The following HAUS3 variants were observed in gnomAD, a reference collection of about 807,000 sequenced individuals.
The protein encoded by HAUS3 is HAUS augmin like complex subunit 3.
In HAUS3, 36 loss-of-function variants were observed where a neutral mutation model predicts 55.2. The observed-to-expected ratio is 0.65, with a 90% confidence interval of 0.50 to 0.86. The LOEUF (loss-of-function observed/expected upper bound fraction) is 0.86, where lower values mean the gene tolerates loss of function less well. Ranked by LOEUF, HAUS3 falls within the 40% of genes least tolerant of loss-of-function variation. The pLI is 0.00. For missense variants in HAUS3, 752 were observed against 671.5 expected (o/e 1.12, Z -1.33); for synonymous variants, 234 against 238.6 (o/e 0.98, Z 0.18).
chr4:2,241,573 G>A lies in HAUS3; in HGVS notation c.-201C>T, dbSNP rs1247458387. On this transcript the variant is annotated 5_prime_UTR_variant, in exon 2 of 6. Coordinates refer to ENST00000443786, the MANE Select transcript of HAUS3 (RefSeq NM_001303143.2). ...CTCCAGAGTCCACCACCGCGACGCG[G>A]AGAACAGCAGGAGCAGCAGGGAAGC... 1 of 985,694 alleles carries A rather than the reference G, an allele frequency of 1.0e-6. No individual in the cohort carries two copies. Among genetic ancestry groups the A allele is most frequent in the Non-Finnish European group, 1.2e-6 (1 of 830,222 alleles). The allele number at this position is 985,694 out of a possible 1,614,324, so 61.1% of individuals were successfully genotyped here. A position where few individuals can be genotyped will look rare whatever the true frequency, so the allele number is the denominator to read the frequency against.
chr4:2,235,434 C>G (rs904000974), intron 5 of HAUS3, among the ~76,000 whole-genome samples: 1 of 152,178 alleles, frequency 6.6e-6, no homozygotes, highest in South Asian at 2.1e-4. Flanking sequence ...ACATATAAGA[C>G]CATCATAGCA....
chr4:2,241,859 G>C (rs994255498), intron 1 of HAUS3, 69 bp from the exon 2 acceptor site: 1 of 985,410 alleles, frequency 1.0e-6, no homozygotes, highest in Non-Finnish European at 1.2e-6. Context: ...GGGGGTGACA[G>C]GCCCCGCACA....
Position 2,242,042 on chromosome 4 carries a change from G to C in HAUS3, c.-419+9C>G, listed in dbSNP as rs1040018989. 2.0e-6 allele frequency: 2 copies of C among 985,478 alleles called. No individual in the cohort carries two copies. Among genetic ancestry groups the C allele is most frequent in the African/African-American group, 3.5e-5 (2 of 57,238 alleles). The allele number at this position is 985,478 out of a possible 1,614,324, so 61.0% of individuals were successfully genotyped here. A position where few individuals can be genotyped will look rare whatever the true frequency, so the allele number is the denominator to read the frequency against. ...CCCTGCGCCCAGAACCGAGGCCCGCGTCAGTCACCTCAGGAAGTTCCGCTT... is the reference window on the plus strand; with the variant it reads ...CCCTGCGCCCAGAACCGAGGCCCGCCTCAGTCACCTCAGGAAGTTCCGCTT... On this transcript the variant is annotated intron_variant, in intron 1 of 5. Transcript: ENST00000443786.
chr4:2,242,084 C>G lies in HAUS3; in HGVS notation c.-452G>C. 4 of 985,828 alleles carry G rather than the reference C, an allele frequency of 4.1e-6. No homozygotes were observed. Among genetic ancestry groups the G allele is most frequent in the Non-Finnish European group, 4.8e-6 (4 of 830,222 alleles). 61.1% of individuals were successfully genotyped at this position (985,828 alleles called of 1,614,324 possible). Reference sequence around the variant, plus strand: ...GTTCCGCTTGCTTCTCGCAGGAGCCCGCCGCCACCGCCCTCCGTGCCCCGC... The same window carrying G: ...GTTCCGCTTGCTTCTCGCAGGAGCCGGCCGCCACCGCCCTCCGTGCCCCGC... On this transcript the variant is annotated 5_prime_UTR_variant, in exon 1 of 6. Transcript: ENST00000443786.
Position 2,229,389 on chromosome 4 carries a change from C to T in HAUS3, c.*2538G>A. 1.6e-6 allele frequency: 1 copy of T among 621,862 alleles called. No homozygotes were observed. The highest frequency in any genetic ancestry group is 3.2e-5 in the South Asian group (1 of 31,300). 38.5% of individuals were successfully genotyped at this position (621,862 alleles called of 1,614,324 possible). A position where few individuals can be genotyped will look rare whatever the true frequency, so the allele number is the denominator to read the frequency against. On this transcript the variant is annotated 3_prime_UTR_variant, in exon 6 of 6. Transcript: ENST00000443786. ...ACCACAGAAAATAGGCATCAATCAT[C>T]CAATAATATAGATAGAAAGAAAAAA... is the stretch of plus-strand genomic sequence containing the variant.
Position 2,228,886 on chromosome 4 carries a change from G to A in HAUS3, c.*3041C>T. The stretch of plus-strand genomic sequence containing the variant: ...AAGGGAATGTTTGACAGAAATACCT[G>A]GAATAAGGAAGAGAGTGTTACATTT... On this transcript the variant is annotated 3_prime_UTR_variant, in exon 6 of 6. Coordinates refer to ENST00000443786, the MANE Select transcript of HAUS3 (RefSeq NM_001303143.2). 1 of 410,016 alleles carries A rather than the reference G, an allele frequency of 2.4e-6. No individual in the cohort carries two copies. The highest frequency in any genetic ancestry group is 5.4e-5 in the South Asian group (1 of 18,510). The allele number at this position is 410,016 out of a possible 1,614,324, so 25.4% of individuals were successfully genotyped here.
At position 2,240,425 on chromosome 4, in the gene HAUS3, T is replaced by C. The variant is rs1734937068; in HGVS notation, c.522A>G (p.Thr174=). The change falls in exon 3 of 6, where the codon ACA becomes ACG. Residue 174 remains threonine, a synonymous_variant. Transcript: ENST00000443786. The part of the protein sequence containing the change: ...NELQALTDEV[T]QLMMFFRHSN... ...AATGTCTGAAGAACATCATCAATTGTGTAACTTCATCAGTAAGAGCCTGAA... is the reference window on the plus strand; with the variant it reads ...AATGTCTGAAGAACATCATCAATTGCGTAACTTCATCAGTAAGAGCCTGAA... The C allele has an allele frequency of 6.2e-7, 1 of 1,613,798 alleles. No individual in the cohort carries two copies. The highest frequency in any genetic ancestry group is 8.5e-7 in the Non-Finnish European group (1 of 1,179,854).
intron 2 of HAUS3, 92 bp downstream of exon 2, chr4:2,241,428 A>G: frequency 1.1e-6 from 1 of 876,320 alleles, no homozygotes; most frequent in African/African-American, 1.8e-5. Context: ...CCAAGCCACC[A>G]GGAGGCTAGG....
chr4:2,241,672 C>G lies in HAUS3; in HGVS notation c.-300G>C. On this transcript the variant is annotated 5_prime_UTR_variant, in exon 2 of 6. Coordinates refer to ENST00000443786, the MANE Select transcript of HAUS3 (RefSeq NM_001303143.2). ...AGGCAGCCCCGACGCCAGGGCCGCG[C>G]GAACCCCAGAGGCAGCGGCAAGCCC... 2 of 985,474 alleles carry G rather than the reference C, an allele frequency of 2.0e-6. No homozygotes were observed. The highest frequency in any genetic ancestry group is 1.7e-5 in the African/African-American group (1 of 57,370). The allele number at this position is 985,474 out of a possible 1,614,324, so 61.0% of individuals were successfully genotyped here.
intron 5 of HAUS3, among the ~76,000 whole-genome samples, chr4:2,232,770 C>T (rs1734629584): frequency 6.6e-6 from 1 of 152,156 alleles, no homozygotes; most frequent in African/African-American, 2.4e-5. Context: ...AATTCAAATT[C>T]CTCAGTGTCT....
At chr4:2,241,403 T>C (rs567731701) in intron 2 of HAUS3, 117 bp downstream of exon 2, 1 of 653,922 alleles carries the variant, frequency 1.5e-6, no homozygotes, top group East Asian at 1.4e-4. Context: ...TCAAAATAAA[T>C]GGATCCAAAC....
chr4:2,229,401 A>G lies in HAUS3; in HGVS notation c.*2526T>C, dbSNP rs1734497349. On this transcript the variant is annotated 3_prime_UTR_variant, in exon 6 of 6. Coordinates refer to ENST00000443786, the MANE Select transcript of HAUS3 (RefSeq NM_001303143.2). Reference sequence around the variant, plus strand: ...AGGCATCAATCATCCAATAATATAGATAGAAAGAAAAAAGCAAAATAGCTA... The same window carrying G: ...AGGCATCAATCATCCAATAATATAGGTAGAAAGAAAAAAGCAAAATAGCTA... 1 of 582,122 alleles carries G rather than the reference A, an allele frequency of 1.7e-6. No individual in the cohort carries two copies. The highest frequency in any genetic ancestry group is 2.7e-6 in the Non-Finnish European group (1 of 371,518). The allele number at this position is 582,122 out of a possible 1,614,324, so 36.1% of individuals were successfully genotyped here.
chr4:2,236,955 T>TAATA (rs1179663808), intron 4 of HAUS3, among the ~76,000 whole-genome samples: 15 of 151,388 alleles, frequency 9.9e-5, no homozygotes, highest in African/African-American at 3.6e-4. Flanking sequence ...ATTCTAACTG[T>TAATA]AATACTATTT....
chr4:2,240,688 A>T lies in HAUS3; in HGVS notation c.259T>A (p.Ser87Thr), dbSNP rs772875246. The T allele has an allele frequency of 1.2e-6, 2 of 1,614,036 alleles. No individual in the cohort carries two copies. Among genetic ancestry groups the T allele is most frequent in the South Asian group, 2.2e-5 (2 of 91,054 alleles). The change falls in exon 3 of 6, where the codon TCT becomes ACT. Residue 87 changes from serine to threonine, a missense_variant. Transcript: ENST00000443786. ...TCCAGTCTAGGTGTCTTCAAATCAG[A>T]AGTTTTACACGTTTTAAGAGCTTCA... ...LDEALKTCKT[S>T]DLKTPRLDDK...
intron 3 of HAUS3, 54 bp from the exon 4 acceptor site, chr4:2,239,097 T>C: frequency 1.0e-6 from 1 of 955,196 alleles, no homozygotes; most frequent in Non-Finnish European, 1.5e-6. Context: ...TTTGAAATCA[T>C]CTTAAGATTA....
rs925412160 is a variant in HAUS3 at position 2,236,421 on chromosome 4, T to C, written c.1385A>G (p.Lys462Arg). Residue 462 changes from lysine to arginine, a missense_variant, in exon 5 of 6, where the codon AAA becomes AGA. By Grantham distance (26) the Lys-to-Arg change is conservative. Transcript: ENST00000443786. The part of the protein sequence containing the change: ...YQVLEGENKK[K>R]ELFLTHGNLE... Reference sequence around the variant, plus strand: ...GTTTCCATGAGTTAGAAACAATTCTTTTTTCTTATTCTCTCCCTCCAAAAC... The same window carrying C: ...GTTTCCATGAGTTAGAAACAATTCTCTTTTCTTATTCTCTCCCTCCAAAAC... 9.9e-6 allele frequency: 16 copies of C among 1,613,272 alleles called. No homozygotes were observed. In the Middle Eastern group the frequency reaches 2.1e-3, roughly 216 times the overall value.
Position 2,238,495 on chromosome 4 carries a change from G to A in HAUS3, c.1349+109C>T. The A allele has an allele frequency of 6.6e-6, 4 of 606,764 alleles. No individual in the cohort carries two copies. In the Admixed American group the frequency reaches 1.1e-4, roughly 16 times the overall value. The allele number at this position is 606,764 out of a possible 1,614,324, so 37.6% of individuals were successfully genotyped here. A position where few individuals can be genotyped will look rare whatever the true frequency, so the allele number is the denominator to read the frequency against. ...GAAAAAAAATAGAAAGGCCAAAAGT[G>A]AAATGCAAAGAATTGTTAAAAACTT... On this transcript the variant is annotated intron_variant, in intron 4 of 5. Coordinates refer to ENST00000443786, the MANE Select transcript of HAUS3 (RefSeq NM_001303143.2).
At chr4:2,233,751 A>C (rs1052148232) in intron 5 of HAUS3, among the ~76,000 whole-genome samples, 37 of 152,246 alleles carry the variant, frequency 2.4e-4, no homozygotes, top group Non-Finnish European at 7.3e-5. Flanking sequence ...TATGAAAAAC[A>C]AAAATTCTTA....
Position 2,240,927 on chromosome 4 carries a change from A to G in HAUS3, c.20T>C (p.Phe7Ser), listed in dbSNP as rs765793541. 2.5e-6 allele frequency: 4 copies of G among 1,598,130 alleles called. No individual in the cohort carries two copies. Among genetic ancestry groups the G allele is most frequent in the South Asian group, 1.1e-5 (1 of 89,734 alleles). Residue 7 changes from phenylalanine to serine, a missense_variant, in exon 3 of 6, where the codon TTT becomes TCT. By Grantham distance (155) the Phe-to-Ser change is radical. Transcript: ENST00000443786. Reference protein sequence around the residue: MSCGNEFVETLKKIGYP... With the variant: MSCGNESVETLKKIGYP... ...ACCAATTTTTTTTAATGTTTCCACAAACTCATTTCCACAACTCATGGTTTT... is the reference window on the plus strand; with the variant it reads ...ACCAATTTTTTTTAATGTTTCCACAGACTCATTTCCACAACTCATGGTTTT...
Sources: gnomAD v4.1 joint callset for allele counts (sites outside exome capture counted in the v4.1 genomes callset) on GRCh38, gnomAD v4.1.1 for gene constraint, MANE v1.5 for transcripts, NCBI Gene and HGNC (gene_info 2026-07-23, HGNC 2026-07-21) for gene names.